RHEX: variants seen among roughly 807,000 people sequenced by gnomAD.
The protein encoded by RHEX is regulator of hemoglobinization and erythroid cell expansion, also known as regulator of hemoglobinization and erythroid cell expansion protein.
Under a neutral mutation model 20.1 loss-of-function variants are expected in RHEX, and 18 were observed. The ratio of observed to expected loss-of-function variants is 0.90; its 90% CI spans 0.62 to 1.33. RHEX has a LOEUF of 1.33. Among genes scored for constraint, RHEX ranks in the 40% most tolerant of loss-of-function variants. RHEX has a pLI of 0.00. For missense variants in RHEX, 192 were observed against 214.3 expected (o/e 0.90, Z 0.65); for synonymous variants, 87 against 77.1 (o/e 1.13, Z -0.67).
At chr1:206,075,358 A>T (rs1157482944) in intron 1 of RHEX, among the ~76,000 whole-genome samples, 1 of 152,250 alleles carries the variant, frequency 6.6e-6, no homozygotes, top group Admixed American at 6.5e-5. Context: ...AGAGTGGATC[A>T]TTGGCAGTGG....
intron 5 of RHEX, 103 bp from the exon 6 acceptor site, chr1:206,101,649 A>C: frequency 1.1e-6 from 1 of 881,980 alleles, no homozygotes; most frequent in Non-Finnish European, 1.8e-6. Context: ...CTTCCCCACC[A>C]AGCCATGGGC....
chr1:206,063,775 C>T (rs1320170082), intron 1 of RHEX, among the ~76,000 whole-genome samples: 15 of 152,188 alleles, frequency 9.9e-5, no homozygotes, highest in Non-Finnish European at 1.8e-4. Flanking sequence ...GCCTTGGCCT[C>T]CCAAAGTGCC....
At chr1:206,062,603 G>A (rs191139138) in intron 1 of RHEX, among the ~76,000 whole-genome samples, 1 of 152,212 alleles carries the variant, frequency 6.6e-6, no homozygotes, top group Non-Finnish European at 1.5e-5. Context: ...CAATACAACT[G>A]CTGGACAATA....
At position 206,099,739 on chromosome 1, in the gene RHEX, A is replaced by C. The variant is rs549955800; in HGVS notation, c.197A>C (p.Lys66Thr). The change falls in exon 4 of 6, where the codon AAA (lysine) becomes ACA (threonine). Residue 66 changes from lysine to threonine, a missense_variant. Physicochemically the swap from Lys to Thr is moderately conservative, Grantham distance 78. Transcript: ENST00000331555. ...SPGHHHPPAV[K>T]EMKETQTERD... ...GGCCACCATCATCCACCTGCTGTCA[A>C]AGAGATGAAGGAGACTCAGACAGAG... The C allele has an allele frequency of 1.3e-4, 213 of 1,614,002 alleles. No homozygotes were observed. The South Asian group carries it at 2.2e-3, about 16-fold the overall frequency.
chr1:206,097,842 G>C lies in RHEX; in HGVS notation c.11+3G>C. ...AAGGAGCTCATCATGCTGACAGAGT[G>C]AGTGGGCCCAACAAGAGCAGGAGCA... On this transcript the variant is annotated splice_donor_region_variant and intron_variant, in intron 2 of 5. Coordinates refer to ENST00000331555, the MANE Select transcript of RHEX (RefSeq NM_001007544.4). 3 of 1,602,672 alleles carry C rather than the reference G, an allele frequency of 1.9e-6. No individual in the cohort carries two copies. Among genetic ancestry groups the C allele is most frequent in the Non-Finnish European group, 1.7e-6 (2 of 1,169,476 alleles).
Position 206,059,458 on chromosome 1 carries a change from T to C in RHEX, c.-97+6193T>C, listed in dbSNP as rs189814033. Among the ~76,000 whole-genome samples, 111 of 152,272 alleles carry C rather than the reference T, an allele frequency of 7.3e-4. 3 individuals are homozygous for C. Among genetic ancestry groups the C allele is most frequent in the South Asian group, 6.2e-4 (3 of 4,822 alleles). On this transcript the variant is annotated intron_variant, in intron 1 of 5. Coordinates refer to ENST00000331555, the MANE Select transcript of RHEX (RefSeq NM_001007544.4). ...CAAGGTGGCTAGTAAATTGCCTTAG[T>C]GATCCAATGGGTTCCCCCCACCCCA...
intron 1 of RHEX, among the ~76,000 whole-genome samples, chr1:206,077,708 A>T (rs1347882536): frequency 2.0e-5 from 3 of 152,178 alleles, no homozygotes; most frequent in Non-Finnish European, 4.4e-5. Flanking sequence ...AGGCTACAAC[A>T]TCGTAGGTGG....
chr1:206,058,792 A>G (rs1553282958), intron 1 of RHEX, among the ~76,000 whole-genome samples: 1 of 152,258 alleles, frequency 6.6e-6, no homozygotes, highest in African/African-American at 2.4e-5. Flanking sequence ...AGGGACGGAA[A>G]TTGTGCATTC....
chr1:206,079,567 T>C (rs1416856340), intron 1 of RHEX, among the ~76,000 whole-genome samples: 2 of 151,860 alleles, frequency 1.3e-5, no homozygotes, highest in African/African-American at 4.8e-5. Context: ...TTTTTTTCTA[T>C]TTTTTTTAGA....
intron 1 of RHEX, among the ~76,000 whole-genome samples, chr1:206,070,144 G>A (rs1662499004): frequency 1.3e-5 from 2 of 152,102 alleles, no homozygotes; most frequent in Admixed American, 6.5e-5. Context: ...TAAAGCCCAG[G>A]GGTCAAGGGA....
At chr1:206,078,051 T>C (rs782021600) in intron 1 of RHEX, among the ~76,000 whole-genome samples, 4 of 152,182 alleles carry the variant, frequency 2.6e-5, no homozygotes, top group African/African-American at 7.2e-5. Context: ...AAATATTACA[T>C]AAAATTACCT....
intron 1 of RHEX, among the ~76,000 whole-genome samples, chr1:206,094,887 G>C (rs992791019): frequency 6.6e-6 from 1 of 152,054 alleles, no homozygotes; most frequent in Non-Finnish European, 1.5e-5. Flanking sequence ...TGTATAAAGG[G>C]CCAAAATAAG....
chr1:206,066,382 C>T (rs1451593114), intron 1 of RHEX, among the ~76,000 whole-genome samples: 5 of 152,174 alleles, frequency 3.3e-5, no homozygotes, highest in African/African-American at 4.8e-5. Flanking sequence ...TTTGGAAGGC[C>T]GAGGCGGACG....
rs1353714677 is a variant in RHEX, at chr1:206,087,970, A to T, written c.-96-9763A>T. Among the ~76,000 whole-genome samples the T allele has an allele frequency of 2.0e-5, 3 of 152,324 alleles. No homozygotes were observed. The East Asian group carries it at 5.8e-4, about 29-fold the overall frequency. The stretch of plus-strand genomic sequence containing the variant: ...AAATATGGATAATTTTCACCAATTA[A>T]AAAAATAGGCCGGGTGCAGCGGCTC... On this transcript the variant is annotated intron_variant, in intron 1 of 5. Coordinates refer to ENST00000331555, the MANE Select transcript of RHEX (RefSeq NM_001007544.4).
At chr1:206,072,895 G>C (rs1223647786) in intron 1 of RHEX, among the ~76,000 whole-genome samples, 2 of 147,032 alleles carry the variant, frequency 1.4e-5, no homozygotes, top group Non-Finnish European at 3.0e-5. Context: ...GCAGTGGTGT[G>C]ATCACAGCTC....
chr1:206,063,855 C>T (rs1302139636), intron 1 of RHEX, among the ~76,000 whole-genome samples: 3 of 151,126 alleles, frequency 2.0e-5, no homozygotes, highest in African/African-American at 2.4e-5. Flanking sequence ...GGCCGCCCAT[C>T]GTCTGGGATG....
chr1:206,090,949 T>C (rs1487517087), intron 1 of RHEX, among the ~76,000 whole-genome samples: 1 of 152,220 alleles, frequency 6.6e-6, no homozygotes, highest in Admixed American at 6.5e-5. Context: ...TGCATTCTTT[T>C]GGATTTCTAG....
intron 1 of RHEX, among the ~76,000 whole-genome samples, chr1:206,065,060 A>G (rs898202213): frequency 6.6e-6 from 1 of 152,084 alleles, no homozygotes; most frequent in Admixed American, 6.5e-5. Context: ...TGCTTTGTTA[A>G]ACAGATGCTT....
rs782436241 is a variant in RHEX, at chr1:206,101,810, A to G, written c.377A>G (p.Asn126Ser). 1.2e-6 allele frequency: 2 copies of G among 1,613,944 alleles called. No homozygotes were observed. Among genetic ancestry groups the G allele is most frequent in the African/African-American group, 1.3e-5 (1 of 74,932 alleles). ...VVFSDPGELKNDSPLDYENIK... is the reference protein window; with the variant it reads ...VVFSDPGELKSDSPLDYENIK... The stretch of plus-strand genomic sequence containing the variant: ...TTTTCTGACCCTGGAGAACTAAAAA[A>G]TGACTCCCCGCTGGACTATGAGAAC... The change falls in exon 6 of 6, where the codon AAT (asparagine) becomes AGT (serine). Residue 126 changes from asparagine (N) to serine (S), a missense_variant. Transcript: ENST00000331555.
Sources: gnomAD v4.1 joint callset for allele counts (sites outside exome capture counted in the v4.1 genomes callset) on GRCh38, gnomAD v4.1.1 for gene constraint, MANE v1.5 for transcripts, NCBI Gene and HGNC (gene_info 2026-07-23, HGNC 2026-07-21) for gene names.